CSRNP3: variants seen among roughly 807,000 people sequenced by gnomAD.
CSRNP3 encodes the protein cysteine/serine-rich nuclear protein 3.
In CSRNP3, 12 loss-of-function variants were observed where a neutral mutation model predicts 48.0. The observed-to-expected ratio is 0.25, with a 90% CI of 0.16 to 0.41. The LOEUF is 0.41. Ranked by LOEUF, CSRNP3 falls within the 10% of genes least tolerant of loss-of-function variation. The probability of loss-of-function intolerance (pLI) is 1.00; values close to 1 mark genes in which losing one functional copy is unlikely to be tolerated. For synonymous variants in CSRNP3, 263 were observed against 269.7 expected, an observed-to-expected ratio of 0.98 and a Z score of 0.24; for missense variants, 580 against 724.4, an observed-to-expected ratio of 0.80 and a Z score of 2.29.
At chr2:165,642,649 G>A (rs1205322666) in intron 4 of CSRNP3, among the ~76,000 whole-genome samples, 6 of 150,422 alleles carry the variant, frequency 4.0e-5, no homozygotes, top group African/African-American at 7.3e-5. Context: ...TGCGACCTCC[G>A]CCTCCCAGGT....
intron 4 of CSRNP3, among the ~76,000 whole-genome samples, chr2:165,636,318 T>C (rs1255961788): frequency 6.6e-6 from 1 of 152,192 alleles, no homozygotes; most frequent in African/African-American, 2.4e-5. Flanking sequence ...GTGTGCATAA[T>C]TGGATGAATG....
At chr2:165,520,804 T>TTATATAC (rs1684647939) in intron 3 of CSRNP3, among the ~76,000 whole-genome samples, 3 of 60,036 alleles carry the variant, frequency 5.0e-5, no homozygotes, top group African/African-American at 2.2e-4. Flanking sequence ...TATATATATA[T>TTATATAC]ATATATATAT....
At chr2:165,507,063 A>G (rs1471671374) in intron 2 of CSRNP3, among the ~76,000 whole-genome samples, 2 of 152,206 alleles carry the variant, frequency 1.3e-5, no homozygotes, top group Non-Finnish European at 2.9e-5. Flanking sequence ...CAATAAAATT[A>G]TTTGTAAGTG....
chr2:165,537,168 G>A (rs970986037), intron 3 of CSRNP3, among the ~76,000 whole-genome samples: 1 of 151,360 alleles, frequency 6.6e-6, no homozygotes, highest in East Asian at 1.9e-4. Context: ...CAGGAGCGAG[G>A]GATGGTGGCT....
At chr2:165,605,688 A>C (rs142733624) in intron 4 of CSRNP3, among the ~76,000 whole-genome samples, 18 of 152,290 alleles carry the variant, frequency 1.2e-4, no homozygotes, top group African/African-American at 4.3e-4. Flanking sequence ...TCTCTAAATA[A>C]ATAAAAATTT....
chr2:165,578,906 C>T (rs1454122129), intron 3 of CSRNP3, among the ~76,000 whole-genome samples: 1 of 152,050 alleles, frequency 6.6e-6, no homozygotes, highest in African/African-American at 2.4e-5. Flanking sequence ...AGCCATGTAG[C>T]CTTGACATGG....
chr2:165,613,356 A>G (rs1040552384), intron 4 of CSRNP3, among the ~76,000 whole-genome samples: 1 of 151,484 alleles, frequency 6.6e-6, no homozygotes, highest in Non-Finnish European at 1.5e-5. Context: ...TATTTTCTTC[A>G]CTCTGTTGAT....
chr2:165,526,421 T>G (rs1412018277), intron 3 of CSRNP3, among the ~76,000 whole-genome samples: 1 of 152,114 alleles, frequency 6.6e-6, no homozygotes, highest in African/African-American at 2.4e-5. Flanking sequence ...TCATTAAAAA[T>G]AAATATGAAT....
At chr2:165,585,323 C>T (rs1486707309) in intron 3 of CSRNP3, among the ~76,000 whole-genome samples, 1 of 151,664 alleles carries the variant, frequency 6.6e-6, no homozygotes, top group Non-Finnish European at 1.5e-5. Flanking sequence ...AGTAGACCAT[C>T]TGGTTGATAA....
intron 5 of CSRNP3, among the ~76,000 whole-genome samples, chr2:165,661,707 GTAAGGATTGTT>G (rs1366562826): frequency 6.6e-6 from 1 of 152,172 alleles, no homozygotes; most frequent in African/African-American, 2.4e-5. Context: ...AGAAAGAAAA[GTAAGGATTGTT>G]AAAGACAAAC....
At chr2:165,564,048 C>G (rs908655250) in intron 3 of CSRNP3, among the ~76,000 whole-genome samples, 1 of 152,018 alleles carries the variant, frequency 6.6e-6, no homozygotes, top group African/African-American at 2.4e-5. Flanking sequence ...TCTATCGCCA[C>G]CTAGGGAAAG....
intron 3 of CSRNP3, among the ~76,000 whole-genome samples, chr2:165,527,199 CTTTTT>C (rs535826285): frequency 1.9e-4 from 17 of 87,296 alleles, no homozygotes; most frequent in Non-Finnish European, 2.8e-4. Context: ...GCTGTTTGTA[CTTTTT>C]TTTTTTTTTT....
chr2:165,548,133 A>G (rs1214345249), intron 3 of CSRNP3, among the ~76,000 whole-genome samples: 11 of 152,060 alleles, frequency 7.2e-5, no homozygotes, highest in Admixed American at 7.2e-4. Flanking sequence ...TTCTTCAAAA[A>G]CTGTCTGCCC....
At chr2:165,532,847 G>C (rs1459781455) in intron 3 of CSRNP3, among the ~76,000 whole-genome samples, 1 of 152,084 alleles carries the variant, frequency 6.6e-6, no homozygotes, top group Non-Finnish European at 1.5e-5. Context: ...AAGCTGATAA[G>C]CAACTTCAGC....
intron 4 of CSRNP3, among the ~76,000 whole-genome samples, chr2:165,648,459 T>C (rs975649439): frequency 2.0e-5 from 3 of 152,142 alleles, no homozygotes; most frequent in African/African-American, 7.2e-5. Context: ...CAATTAGATA[T>C]AAAAATTATT....
chr2:165,577,879 G>A (rs909704574), intron 3 of CSRNP3, among the ~76,000 whole-genome samples: 3 of 151,786 alleles, frequency 2.0e-5, no homozygotes, highest in Non-Finnish European at 2.9e-5. Flanking sequence ...TTTCTCGTAC[G>A]TACTGAACTC....
At chr2:165,564,096 G>C (rs1685268564) in intron 3 of CSRNP3, among the ~76,000 whole-genome samples, 1 of 151,954 alleles carries the variant, frequency 6.6e-6, no homozygotes, top group Non-Finnish European at 1.5e-5. Flanking sequence ...GTGGTACCTG[G>C]GAAGCAAATT....
intron 2 of CSRNP3, among the ~76,000 whole-genome samples, chr2:165,500,884 A>G (rs577924465): frequency 1.3e-5 from 2 of 152,226 alleles, no homozygotes; most frequent in Non-Finnish European, 2.9e-5. Context: ...TTGGTTTGGA[A>G]TAAATCATGG....
chr2:165,500,301 T>A (rs548334994), intron 2 of CSRNP3, among the ~76,000 whole-genome samples: 1 of 150,964 alleles, frequency 6.6e-6, no homozygotes, highest in Admixed American at 6.6e-5. Flanking sequence ...AATGCACATA[T>A]TTTACTTACA....
Sources: allele counts gnomAD v4.1 joint callset (sites outside exome capture counted in the v4.1 genomes callset), GRCh38; gene constraint gnomAD v4.1.1; transcripts MANE v1.5; gene names NCBI Gene and HGNC (gene_info 2026-07-23, HGNC 2026-07-21).